Variants in NIPBL observed in about 807,000 individuals in gnomAD.
NIPBL encodes NIPBL cohesin loading factor.
NIPBL carries 19 observed loss-of-function variants against 321.8 expected under a neutral mutation model. The ratio of observed to expected loss-of-function variants is 0.06; its 90% confidence interval spans 0.04 to 0.09. The LOEUF (loss-of-function observed/expected upper bound fraction) is 0.09. Among genes scored for constraint, NIPBL ranks in the 10% least tolerant of loss-of-function variants. The probability of loss-of-function intolerance (pLI) is 1.00; values close to 1 mark genes in which losing one functional copy is unlikely to be tolerated. For synonymous variants in NIPBL, 1,106 were observed against 1,114.1 expected (o/e 0.99, Z 0.14); for missense variants, 2,210 against 3,327.0 (o/e 0.66, Z 8.26).
At chr5:36,916,038 T>C (rs1393136622) in intron 1 of NIPBL, among the ~76,000 whole-genome samples, 1 of 152,224 alleles carries the variant, frequency 6.6e-6, no homozygotes, top group East Asian at 1.9e-4. Flanking sequence ...ACATCACTCA[T>C]TGGAAATGAA....
intron 1 of NIPBL, among the ~76,000 whole-genome samples, chr5:36,890,880 T>G (rs1196702559): frequency 6.6e-6 from 1 of 152,200 alleles, no homozygotes. Context: ...GTGAACATGG[T>G]CATGATCTCA....
At chr5:36,992,129 A>C (rs922608819) in intron 10 of NIPBL, among the ~76,000 whole-genome samples, 2 of 152,214 alleles carry the variant, frequency 1.3e-5, no homozygotes, top group Middle Eastern at 3.2e-3. Flanking sequence ...ATATATGTAC[A>C]GAAGCTGAAA....
intron 45 of NIPBL, among the ~76,000 whole-genome samples, chr5:37,062,512 T>C (rs1039297404): frequency 6.6e-6 from 1 of 152,058 alleles, no homozygotes; most frequent in Non-Finnish European, 1.5e-5. Flanking sequence ...CGGGGAGTTA[T>C]TGTTTAATGA....
At chr5:37,034,459 A>G (rs562110251) in intron 32 of NIPBL, among the ~76,000 whole-genome samples, 1 of 152,306 alleles carries the variant, frequency 6.6e-6, no homozygotes, top group South Asian at 2.1e-4. Context: ...TTATTGTACT[A>G]AAATTGGGAT....
At chr5:37,042,691 T>G (rs1023181590) in intron 34 of NIPBL, among the ~76,000 whole-genome samples, 2 of 151,844 alleles carry the variant, frequency 1.3e-5, no homozygotes, top group Non-Finnish European at 2.9e-5. Context: ...CCCGACATGC[T>G]GGTGCTTCTC....
intron 42 of NIPBL, among the ~76,000 whole-genome samples, chr5:37,056,369 T>C (rs1314047361): frequency 6.6e-6 from 1 of 152,172 alleles, no homozygotes; most frequent in Non-Finnish European, 1.5e-5. Flanking sequence ...TTTTTAGTTG[T>C]GAGCTTTTTT....
chr5:37,015,680 A>G (rs1748893282), intron 22 of NIPBL, among the ~76,000 whole-genome samples: 1 of 152,094 alleles, frequency 6.6e-6, no homozygotes, highest in Non-Finnish European at 1.5e-5. Flanking sequence ...GCCGTAAGCC[A>G]AGATCATGCC....
chr5:36,913,391 T>A (rs1748204096), intron 1 of NIPBL, among the ~76,000 whole-genome samples: 1 of 151,638 alleles, frequency 6.6e-6, no homozygotes, highest in East Asian at 1.9e-4. Flanking sequence ...CCTTCTTTTT[T>A]TTTTTTTTTT....
At chr5:36,919,728 A>G (rs1443242619) in intron 1 of NIPBL, among the ~76,000 whole-genome samples, 3 of 152,160 alleles carry the variant, frequency 2.0e-5, no homozygotes, top group African/African-American at 7.2e-5. Context: ...TTTTTTTCTA[A>G]CACAGCAAAT....
intron 1 of NIPBL, among the ~76,000 whole-genome samples, chr5:36,934,800 A>T (rs1184458130): frequency 1.3e-5 from 2 of 152,300 alleles, no homozygotes; most frequent in Non-Finnish European, 2.9e-5. Flanking sequence ...GAAGAGCTAT[A>T]GGTAGACCTA....
chr5:36,997,248 G>T (rs1035618284), intron 11 of NIPBL, among the ~76,000 whole-genome samples: 8 of 152,068 alleles, frequency 5.3e-5, no homozygotes, highest in Admixed American at 2.0e-4. Context: ...ATCTAGAACA[G>T]CCGAGAAGGA....
At chr5:36,977,896 A>T (rs1041404519) in intron 9 of NIPBL, among the ~76,000 whole-genome samples, 7 of 151,956 alleles carry the variant, frequency 4.6e-5, no homozygotes. Flanking sequence ...CTTAGGGTAG[A>T]TAATGGCCTC....
chr5:36,914,478 C>G (rs1748303086), intron 1 of NIPBL, among the ~76,000 whole-genome samples: 1 of 152,158 alleles, frequency 6.6e-6, no homozygotes, highest in Non-Finnish European at 1.5e-5. Flanking sequence ...AATTCCACAC[C>G]TGACCTCATG....
At chr5:37,038,533 A>G in intron 33 of NIPBL, 69 bp from the exon 34 acceptor site, 1 of 1,405,884 alleles carries the variant, frequency 7.1e-7, no homozygotes, top group South Asian at 1.2e-5. Flanking sequence ...AGTAATTTAA[A>G]TAATATTCTG....
chr5:36,995,825 T>G (rs1399858161), intron 11 of NIPBL, 21 bp downstream of exon 11: 2 of 1,595,772 alleles, frequency 1.3e-6, no homozygotes, highest in South Asian at 1.1e-5. Flanking sequence ...CAGAACTCTT[T>G]GTTATTATTT....
At chr5:36,885,079 TG>T in intron 1 of NIPBL, 1 of 220,040 alleles carries the variant, frequency 4.5e-6, no homozygotes, top group Non-Finnish European at 9.2e-6. Context: ...ATTTTTTTTT[TG>T]CCAATTTAAG....
chr5:36,902,307 G>A (rs1254006649), intron 1 of NIPBL, among the ~76,000 whole-genome samples: 1 of 152,072 alleles, frequency 6.6e-6, no homozygotes, highest in East Asian at 1.9e-4. Flanking sequence ...AGTTGCTTTT[G>A]AAGTCTTCAT....
chr5:36,985,271 A>G lies in NIPBL; in HGVS notation c.2091A>G (p.Lys697=). 1 of 1,613,736 alleles carries G rather than the reference A, an allele frequency of 6.2e-7. No individual in the cohort carries two copies. Among genetic ancestry groups the G allele is most frequent in the South Asian group, 1.1e-5 (1 of 91,076 alleles). ...KQNNGRSETT[K]SRPETPKQKG... Reference sequence around the variant, plus strand: ...ATAATGGCAGATCAGAAACAACAAAATCAAGGCCTGAAACCCCAAAGCAAA... The same window carrying G: ...ATAATGGCAGATCAGAAACAACAAAGTCAAGGCCTGAAACCCCAAAGCAAA... The change falls in exon 10 of 47, where the codon AAA becomes AAG. Residue 697 remains lysine (K), a synonymous_variant. Coordinates refer to ENST00000282516, the MANE Select transcript of NIPBL (RefSeq NM_133433.4).
intron 22 of NIPBL, 45 bp from the exon 23 acceptor site, chr5:37,015,993 G>C: frequency 6.2e-7 from 1 of 1,603,762 alleles, no homozygotes; most frequent in Non-Finnish European, 8.5e-7. Flanking sequence ...TGACTGACAT[G>C]TGTCACCTAA....
Sources: allele counts gnomAD v4.1 joint callset (sites outside exome capture counted in the v4.1 genomes callset), GRCh38; gene constraint gnomAD v4.1.1; transcripts MANE v1.5; gene names NCBI Gene and HGNC (gene_info 2026-07-23, HGNC 2026-07-21).